The following FNDC3B variants were observed in gnomAD, a reference collection of about 807,000 sequenced individuals.
FNDC3B encodes the protein fibronectin type III domain-containing protein 3B.
Under a neutral mutation model 151.5 loss-of-function variants are expected in FNDC3B, and 12 were observed. The observed-to-expected ratio is 0.08, with a 90% confidence interval of 0.05 to 0.13. The LOEUF (loss-of-function observed/expected upper bound fraction) is 0.13, where lower values mean the gene tolerates loss of function less well. FNDC3B is among the 10% of genes least tolerant of loss of function. The pLI, the probability that FNDC3B is intolerant of heterozygous loss-of-function variation, is 1.00. For synonymous variants in FNDC3B, 528 were observed against 549.0 expected (o/e 0.96, Z 0.54); for missense variants, 1,214 against 1,505.3 (o/e 0.81, Z 3.20).
chr3:172,132,639 C>T (rs186393817), intron 2 of FNDC3B, among the ~76,000 whole-genome samples: 1 of 152,310 alleles, frequency 6.6e-6, no homozygotes, highest in African/African-American at 2.4e-5. Flanking sequence ...CTCAAGTGAT[C>T]CACCTGCCTC....
intron 22 of FNDC3B, among the ~76,000 whole-genome samples, chr3:172,358,644 G>T (rs1187715122): frequency 6.6e-6 from 1 of 152,212 alleles, no homozygotes; most frequent in Non-Finnish European, 1.5e-5. Context: ...CACTCTCAAA[G>T]AAGTCATCAG....
chr3:172,188,126 G>A (rs1724297391), intron 3 of FNDC3B, among the ~76,000 whole-genome samples: 1 of 151,278 alleles, frequency 6.6e-6, no homozygotes, highest in Non-Finnish European at 1.5e-5. Context: ...CTCCCTAGTA[G>A]CTGGGATTAC....
chr3:172,322,541 G>T (rs111637587), intron 11 of FNDC3B, among the ~76,000 whole-genome samples: 126 of 152,282 alleles, frequency 8.3e-4, no homozygotes, highest in South Asian at 7.9e-3. Flanking sequence ...ACCACTTGTG[G>T]TATAAGCCTT....
intron 3 of FNDC3B, among the ~76,000 whole-genome samples, chr3:172,135,092 A>T (rs1029538499): frequency 1.3e-5 from 2 of 152,126 alleles, no homozygotes; most frequent in African/African-American, 4.8e-5. Flanking sequence ...GCCTCTGGTT[A>T]TGGTAACATT....
chr3:172,164,036 A>T (rs1722900349), intron 3 of FNDC3B, among the ~76,000 whole-genome samples: 2 of 152,194 alleles, frequency 1.3e-5, no homozygotes, highest in South Asian at 4.1e-4. Flanking sequence ...ATTTGCAGTT[A>T]TAGATTTTTT....
intron 3 of FNDC3B, among the ~76,000 whole-genome samples, chr3:172,153,843 T>C (rs557716562): frequency 2.0e-5 from 3 of 152,088 alleles, no homozygotes; most frequent in African/African-American, 7.2e-5. Flanking sequence ...GTTGCACAGG[T>C]TGGTGGCGAT....
At chr3:172,160,804 T>C (rs757187185) in intron 3 of FNDC3B, among the ~76,000 whole-genome samples, 1 of 152,246 alleles carries the variant, frequency 6.6e-6, no homozygotes, top group Non-Finnish European at 1.5e-5. Context: ...ACATTTATAT[T>C]GGCCACAACT....
chr3:172,252,660 C>T (rs967969027), intron 6 of FNDC3B, among the ~76,000 whole-genome samples: 2 of 151,844 alleles, frequency 1.3e-5, no homozygotes, highest in African/African-American at 4.8e-5. Context: ...AATGAAATAT[C>T]GCCGTCGGCA....
rs145935144 is a variant in FNDC3B at position 172,378,323 on chromosome 3, C to T, written c.3062C>T (p.Thr1021Met). The change falls in exon 24 of 26, where the codon ACG (threonine) becomes ATG (methionine). Residue 1021 changes from threonine to methionine, a missense_variant. By Grantham distance (81) the Thr-to-Met change is moderately conservative. Around this residue, in one of 7 missense-constraint regions of FNDC3B, gnomAD observed 284 missense variants for 392.4 expected, o/e 0.72. Coordinates refer to ENST00000415807, the MANE Select transcript of FNDC3B (RefSeq NM_022763.4). ...CACACCTACAAGGTCCAGAGACTGA[C>T]GGAATTCACATGCTACTCCTTCAGA... ...PSHTYKVQRL[T>M]EFTCYSFRIQ... The T allele has an allele frequency of 5.9e-5, 95 of 1,613,612 alleles. No individual in the cohort carries two copies. In the African/African-American group the frequency reaches 6.8e-4, roughly 12 times the overall value.
At chr3:172,284,955 G>A (rs1729933981) in intron 6 of FNDC3B, among the ~76,000 whole-genome samples, 1 of 151,730 alleles carries the variant, frequency 6.6e-6, no homozygotes, top group South Asian at 2.1e-4. Context: ...TGAAAATCAA[G>A]AAGATCCTCT....
At chr3:172,362,219 G>C (rs894765613) in intron 22 of FNDC3B, among the ~76,000 whole-genome samples, 18 of 152,262 alleles carry the variant, frequency 1.2e-4, no homozygotes, top group African/African-American at 4.3e-4. Context: ...GAGTTGTCCT[G>C]TGTTTTTGAC....
chr3:172,307,626 CA>C (rs1404221451), intron 10 of FNDC3B, 125 bp downstream of exon 10: 4 of 902,988 alleles, frequency 4.4e-6, no homozygotes, highest in South Asian at 1.6e-5. Flanking sequence ...CCAGGAGTTT[CA>C]AGGCTGCAGT....
intron 20 of FNDC3B, among the ~76,000 whole-genome samples, chr3:172,346,680 G>A (rs1733632087): frequency 6.7e-6 from 1 of 149,854 alleles, no homozygotes; most frequent in Non-Finnish European, 1.5e-5. Flanking sequence ...CTTTCTTTTT[G>A]TAAAAAATTT....
Position 172,294,169 on chromosome 3 carries a change from G to A in FNDC3B, c.850-1194G>A, listed in dbSNP as rs141301662. Among the ~76,000 whole-genome samples the A allele has an allele frequency of 1.6e-3, 246 of 152,282 alleles. 1 individual carries two copies. The highest frequency in any genetic ancestry group is 2.9e-3 in the Admixed American group (44 of 15,300). On this transcript the variant is annotated intron_variant, in intron 7 of 25. Transcript: ENST00000415807. ...GAAATGGTCTCTAAAACCAAGTATT[G>A]AGTGCAAATAGTTTATGTGGGGATG...
At chr3:172,217,561 C>CATG (rs397730064) in intron 3 of FNDC3B, among the ~76,000 whole-genome samples, 9 of 151,742 alleles carry the variant, frequency 5.9e-5, no homozygotes, top group African/African-American at 1.7e-4. Context: ...TTCCTTACAT[C>CATG]TTGCACAATG....
At chr3:172,311,194 T>TTGTCATCTTGACTGCTC (rs1731459357) in intron 11 of FNDC3B, among the ~76,000 whole-genome samples, 1 of 152,214 alleles carries the variant, frequency 6.6e-6, no homozygotes, top group African/African-American at 2.4e-5. Flanking sequence ...ATTGACTGCT[T>TTGTCATCTTGACTGCTC]TGTCATCTTG....
chr3:172,192,311 C>T (rs918061776), intron 3 of FNDC3B, among the ~76,000 whole-genome samples: 1 of 151,478 alleles, frequency 6.6e-6, no homozygotes, highest in Non-Finnish European at 1.5e-5. Context: ...TAGCTGGGAC[C>T]ACAGGCATGT....
chr3:172,152,605 G>C (rs1344565493), intron 3 of FNDC3B, among the ~76,000 whole-genome samples: 1 of 115,020 alleles, frequency 8.7e-6, no homozygotes, highest in Non-Finnish European at 1.8e-5. Flanking sequence ...CTTCAAACCT[G>C]GTATTTTTGG....
chr3:172,388,760 C>G (rs1034726838), intron 25 of FNDC3B, among the ~76,000 whole-genome samples: 3 of 152,294 alleles, frequency 2.0e-5, no homozygotes, highest in Admixed American at 6.5e-5. Flanking sequence ...TTCTGCAAGT[C>G]CTGTATTTGT....
Sources: allele counts gnomAD v4.1 joint callset (sites outside exome capture counted in the v4.1 genomes callset), GRCh38; gene constraint gnomAD v4.1.1; regional missense constraint gnomAD v4.1.1; transcripts MANE v1.5; gene names NCBI Gene and HGNC (gene_info 2026-07-23, HGNC 2026-07-21).